Variants in KAZN observed in about 807,000 individuals in gnomAD.
KAZN encodes the protein kazrin, periplakin interacting protein.
KAZN carries 40 observed loss-of-function variants against 87.4 expected under a neutral mutation model. The ratio of observed to expected loss-of-function variants is 0.46; its 90% CI spans 0.36 to 0.60. The LOEUF is 0.60. KAZN is among the 20% of genes least tolerant of loss of function. KAZN has a pLI of 0.00. For missense variants in KAZN, 898 were observed against 1,073.9 expected, an observed-to-expected ratio of 0.84 and a Z score of 2.29; for synonymous variants, 466 against 458.3, an observed-to-expected ratio of 1.02 and a Z score of -0.22.
intron 2 of KAZN, among the ~76,000 whole-genome samples, chr1:14,526,212 G>T (rs760342487): frequency 6.6e-6 from 1 of 152,148 alleles, no homozygotes. Flanking sequence ...AAGTAGGTAC[G>T]ATTGACTCTT....
At chr1:13,990,904 G>A (rs1639250927) in intron 1 of KAZN, among the ~76,000 whole-genome samples, 1 of 152,152 alleles carries the variant, frequency 6.6e-6, no homozygotes, top group Non-Finnish European at 1.5e-5. Flanking sequence ...TTTTGTTTGA[G>A]TATTTTCATA....
chr1:15,071,354 C>A (rs1438592389), intron 8 of KAZN, among the ~76,000 whole-genome samples: 1 of 152,076 alleles, frequency 6.6e-6, no homozygotes, highest in Non-Finnish European at 1.5e-5. Flanking sequence ...TGGGTTCAAG[C>A]GATTCTCCCA....
chr1:14,642,984 C>T (rs754281683), intron 1 of KAZN, among the ~76,000 whole-genome samples: 1 of 152,160 alleles, frequency 6.6e-6, no homozygotes, highest in Non-Finnish European at 1.5e-5. Flanking sequence ...AAACATCTAT[C>T]CACCATGTGA....
chr1:14,145,264 G>A (rs1354434293), intron 1 of KAZN, among the ~76,000 whole-genome samples: 2 of 152,068 alleles, frequency 1.3e-5, no homozygotes, highest in Admixed American at 1.3e-4. Context: ...GCAACATAGT[G>A]AGACCCCATC....
At chr1:14,424,190 C>G (rs1665584802) in intron 2 of KAZN, among the ~76,000 whole-genome samples, 1 of 152,150 alleles carries the variant, frequency 6.6e-6, no homozygotes, top group Non-Finnish European at 1.5e-5. Flanking sequence ...AATGAGGATA[C>G]ACACCTCACA....
At chr1:14,230,202 A>G (rs865843624) in intron 2 of KAZN, among the ~76,000 whole-genome samples, 1 of 152,248 alleles carries the variant, frequency 6.6e-6, no homozygotes, top group Admixed American at 6.5e-5. Flanking sequence ...TGTGCAAAAC[A>G]AAACACAACA....
chr1:14,945,392 C>T (rs1025160955), intron 1 of KAZN, among the ~76,000 whole-genome samples: 2 of 152,232 alleles, frequency 1.3e-5, no homozygotes, highest in Non-Finnish European at 2.9e-5. Context: ...TGCCCCCACT[C>T]ATTTGGGGCT....
intron 7 of KAZN, among the ~76,000 whole-genome samples, chr1:15,064,382 A>G (rs1557772211): frequency 1.3e-5 from 2 of 152,282 alleles, no homozygotes; most frequent in African/African-American, 4.8e-5. Context: ...GGAATTCAGG[A>G]AATCCCTAAG....
chr1:14,706,916 T>C (rs1642241180), intron 1 of KAZN, among the ~76,000 whole-genome samples: 1 of 152,182 alleles, frequency 6.6e-6, no homozygotes, highest in Non-Finnish European at 1.5e-5. Flanking sequence ...GAGGATGGTG[T>C]GTAATTTGGG....
chr1:14,722,149 T>C (rs1166307056), intron 1 of KAZN, among the ~76,000 whole-genome samples: 1 of 111,306 alleles, frequency 9.0e-6, no homozygotes, highest in Admixed American at 8.2e-5. Context: ...AGACTCTGTC[T>C]CAAAAAAAAA....
chr1:14,485,113 T>C lies in KAZN; in HGVS notation c.250-113870T>C, dbSNP rs576119746. Among the ~76,000 whole-genome samples the C allele has an allele frequency of 2.4e-4, 36 of 152,252 alleles. 1 individual carries two copies. The highest frequency in any genetic ancestry group is 8.4e-4 in the African/African-American group (35 of 41,518). On this transcript the variant is annotated intron_variant, in intron 2 of 16. Transcript: ENST00000636203. ...CGTATCCAAAAGAACTTGCTAACCT[T>C]TATTTCAGGGAAAGAAAAGGGGAAA...
At position 14,670,366 on chromosome 1, in the gene KAZN, C is replaced by T. The variant is rs963004788; in HGVS notation, c.226+71143C>T. Among the ~76,000 whole-genome samples the T allele has an allele frequency of 2.7e-5, 4 of 146,586 alleles. No individual in the cohort carries two copies. In the Admixed American group the frequency reaches 2.9e-4, roughly 11 times the overall value. On this transcript the variant is annotated intron_variant, in intron 1 of 14. Transcript: ENST00000376030. The stretch of plus-strand genomic sequence containing the variant: ...CTCGTTGAAAACAGGTTGCTGGGTC[C>T]CACCCTAGAGCTTCTGCTACCTTCT...
chr1:14,406,872 A>T (rs1358678047), intron 2 of KAZN, among the ~76,000 whole-genome samples: 3 of 152,190 alleles, frequency 2.0e-5, no homozygotes, highest in Non-Finnish European at 4.4e-5. Context: ...ATTGTAAAAG[A>T]CAGCTAATAA....
chr1:15,071,118 T>C (rs1442521627), intron 8 of KAZN, among the ~76,000 whole-genome samples: 1 of 152,244 alleles, frequency 6.6e-6, no homozygotes, highest in African/African-American at 2.4e-5. Flanking sequence ...CTTACAAATA[T>C]CTTAGCAGTT....
Position 14,919,319 on chromosome 1 carries a change from G to A in KAZN, c.227-41365G>A, listed in dbSNP as rs528695709. On this transcript the variant is annotated intron_variant, in intron 1 of 14. Coordinates refer to ENST00000376030, the MANE Select transcript of KAZN (RefSeq NM_201628.3). ...AGCCTCCTGAGTAGCTGGGATGACA[G>A]GCGCGTTCCACCACACCTGGCTCAC... Among the ~76,000 whole-genome samples the A allele has an allele frequency of 9.8e-5, 15 of 152,324 alleles. 1 individual carries two copies. In the East Asian group the frequency reaches 2.7e-3, roughly 27 times the overall value.
chr1:14,624,056 G>T (rs913889482), intron 1 of KAZN, among the ~76,000 whole-genome samples: 1 of 152,098 alleles, frequency 6.6e-6, no homozygotes, highest in African/African-American at 2.4e-5. Context: ...GGTCAAGTAG[G>T]TCTATACTGT....
chr1:14,690,433 G>A (rs1486255457), intron 1 of KAZN, among the ~76,000 whole-genome samples: 5 of 152,160 alleles, frequency 3.3e-5, no homozygotes, highest in East Asian at 1.9e-4. Context: ...CGAGCTGGGC[G>A]TTCTCTGCGG....
chr1:14,941,068 G>A (rs920577777), intron 1 of KAZN, among the ~76,000 whole-genome samples: 5 of 151,780 alleles, frequency 3.3e-5, no homozygotes, highest in Middle Eastern at 3.2e-3. Context: ...GGCGAGCGCC[G>A]CCACACCCAG....
chr1:14,834,356 CTTTTTTTTT>C (rs34228625), intron 1 of KAZN, among the ~76,000 whole-genome samples: 3 of 88,640 alleles, frequency 3.4e-5, no homozygotes, highest in Admixed American at 2.5e-4. Context: ...AAGTCACTTC[CTTTTTTTTT>C]TTTTTTTTTT....
Sources: allele counts gnomAD v4.1 joint callset (sites outside exome capture counted in the v4.1 genomes callset), GRCh38; gene constraint gnomAD v4.1.1; transcripts MANE v1.5; gene names NCBI Gene and HGNC (gene_info 2026-07-23, HGNC 2026-07-21).